PDZRN3: variants seen among roughly 807,000 people sequenced by gnomAD.
PDZRN3 encodes the protein E3 ubiquitin-protein ligase PDZRN3.
A neutral mutation model predicts 85.7 loss-of-function variants in PDZRN3; 38 were observed. The observed-to-expected ratio is 0.44, with a 90% CI of 0.34 to 0.58. PDZRN3 has a LOEUF of 0.58. PDZRN3 is among the 20% of genes least tolerant of loss of function. PDZRN3 has a pLI of 0.01. For missense variants in PDZRN3, 1,629 were observed against 1,506.4 expected (o/e 1.08, Z -1.35); for synonymous variants, 759 against 638.0 (o/e 1.19, Z -2.86).
intron 3 of PDZRN3, among the ~76,000 whole-genome samples, chr3:73,455,105 T>A (rs1318727830): frequency 6.6e-6 from 1 of 152,216 alleles, no homozygotes; most frequent in Non-Finnish European, 1.5e-5. Context: ...AGTAAGTTTT[T>A]ATTATCAGGA....
intron 1 of PDZRN3, among the ~76,000 whole-genome samples, chr3:73,612,193 A>G (rs7623717): frequency 0.73 from 110,604 of 152,134 alleles, 40,676 homozygotes; most frequent in African/African-American, 0.84. Flanking sequence ...TCCGAAGCAG[A>G]CATTGTATCA....
chr3:73,608,765 T>G (rs7630629), intron 1 of PDZRN3, 81 bp from the exon 2 acceptor site: 4 of 819,096 alleles, frequency 4.9e-6, no homozygotes, highest in Non-Finnish European at 8.2e-6. Flanking sequence ...CTAAGTGTAC[T>G]CAAGGACTAC....
intron 3 of PDZRN3, among the ~76,000 whole-genome samples, chr3:73,435,959 C>A (rs1177700945): frequency 1.3e-5 from 2 of 152,200 alleles, no homozygotes; most frequent in Non-Finnish European, 2.9e-5. Flanking sequence ...ATTGCTCACC[C>A]ACTCTGGTGG....
At chr3:73,449,480 G>A (rs1268280774) in intron 3 of PDZRN3, among the ~76,000 whole-genome samples, 1 of 152,152 alleles carries the variant, frequency 6.6e-6, no homozygotes, top group African/African-American at 2.4e-5. Context: ...AATCCACAGT[G>A]CGAGCAAATC....
intron 3 of PDZRN3, among the ~76,000 whole-genome samples, chr3:73,471,858 G>A (rs1703347188): frequency 6.6e-6 from 1 of 152,198 alleles, no homozygotes. Flanking sequence ...TTTACCATGT[G>A]ACAGCTATAT....
At chr3:73,548,150 C>T (rs1701470801) in intron 3 of PDZRN3, among the ~76,000 whole-genome samples, 1 of 152,070 alleles carries the variant, frequency 6.6e-6, no homozygotes, top group Admixed American at 6.6e-5. Context: ...GCGCCCACAC[C>T]CCTTCCTCTA....
chr3:73,597,301 T>C (rs183571667), intron 3 of PDZRN3, among the ~76,000 whole-genome samples: 2 of 152,222 alleles, frequency 1.3e-5, no homozygotes, highest in East Asian at 3.9e-4. Context: ...TTGTTAGCAA[T>C]GACAGTCCAA....
chr3:73,624,786 G>C lies in PDZRN3; in HGVS notation c.40C>G (p.Pro14Ala). 1 of 1,409,048 alleles carries C rather than the reference G, an allele frequency of 7.1e-7. No homozygotes were observed. Among genetic ancestry groups the C allele is most frequent in the Non-Finnish European group, 9.2e-7 (1 of 1,084,368 alleles). 87.3% of individuals were successfully genotyped at this position (1,409,048 alleles called of 1,614,324 possible). A position where few individuals can be genotyped will look rare whatever the true frequency, so the allele number is the denominator to read the frequency against. ...TGGCACAGCGCGCACTTCAGGTCCGGGTCCACGTCGCCGTCGAAGCGGTCC... is the reference window on the plus strand; with the variant it reads ...TGGCACAGCGCGCACTTCAGGTCCGCGTCCACGTCGCCGTCGAAGCGGTCC... ...ELDRFDGDVD[P>A]DLKCALCHKV... Residue 14 changes from proline to alanine, a missense_variant, in exon 1 of 10, where the codon CCG becomes GCG. Coordinates refer to ENST00000263666, the MANE Select transcript of PDZRN3 (RefSeq NM_015009.3).
chr3:73,543,157 T>C (rs1010878692), intron 3 of PDZRN3, among the ~76,000 whole-genome samples: 1 of 152,230 alleles, frequency 6.6e-6, no homozygotes, highest in African/African-American at 2.4e-5. Flanking sequence ...AGGAGTGGCA[T>C]GCCAAGACAA....
At chr3:73,612,832 AC>A (rs1439427772) in intron 1 of PDZRN3, among the ~76,000 whole-genome samples, 6 of 152,166 alleles carry the variant, frequency 3.9e-5, no homozygotes, top group Non-Finnish European at 7.3e-5. Flanking sequence ...TTCTCATGTC[AC>A]CAGGTTACTA....
At position 73,610,351 on chromosome 3, in the gene PDZRN3, A is replaced by T. The variant is rs539535773; in HGVS notation, c.724-1667T>A. Among the ~76,000 whole-genome samples the T allele has an allele frequency of 1.1e-4, 17 of 152,302 alleles. 1 individual carries two copies. In the South Asian group the frequency reaches 3.5e-3, roughly 32 times the overall value. On this transcript the variant is annotated intron_variant, in intron 1 of 9. Coordinates refer to ENST00000263666, the MANE Select transcript of PDZRN3 (RefSeq NM_015009.3). The stretch of plus-strand genomic sequence containing the variant: ...CTTTAATGACAGGCTATTGGTTTTT[A>T]AAAAATGTTCTGACAAACAGCACCA...
intron 3 of PDZRN3, among the ~76,000 whole-genome samples, chr3:73,430,263 C>G (rs909447005): frequency 2.0e-5 from 3 of 152,132 alleles, no homozygotes; most frequent in African/African-American, 7.2e-5. Context: ...AGTAAGTGCA[C>G]AATAAATAAT....
At chr3:73,434,865 A>G (rs1003550692) in intron 3 of PDZRN3, among the ~76,000 whole-genome samples, 1 of 152,234 alleles carries the variant, frequency 6.6e-6, no homozygotes, top group African/African-American at 2.4e-5. Flanking sequence ...CTCCTCCTTC[A>G]GCCTCTGTCC....
chr3:73,563,017 T>TATATATATATA (rs1701866050), intron 3 of PDZRN3, among the ~76,000 whole-genome samples: 1 of 23,832 alleles, frequency 4.2e-5, no homozygotes, highest in African/African-American at 1.3e-4. Flanking sequence ...ATATATATTT[T>TATATATATATA]TTTTTTTTTT....
intron 3 of PDZRN3, among the ~76,000 whole-genome samples, chr3:73,485,428 C>T (rs1047462350): frequency 2.6e-5 from 4 of 151,924 alleles, no homozygotes; most frequent in Admixed American, 2.0e-4. Flanking sequence ...CAGATTCAAA[C>T]AAATTTTGAA....
At chr3:73,422,994 G>A (rs116215777) in intron 3 of PDZRN3, among the ~76,000 whole-genome samples, 78 of 152,282 alleles carry the variant, frequency 5.1e-4, no homozygotes, top group African/African-American at 1.9e-3. Context: ...AATGGAGGCA[G>A]TTAGCTGCAA....
intron 3 of PDZRN3, among the ~76,000 whole-genome samples, chr3:73,446,386 A>AT: frequency 6.6e-6 from 1 of 152,234 alleles, no homozygotes. Flanking sequence ...CTATACACCA[A>AT]TACTATTCCA....
At chr3:73,504,400 G>A (rs144660585) in intron 3 of PDZRN3, among the ~76,000 whole-genome samples, 389 of 152,258 alleles carry the variant, frequency 2.6e-3, no homozygotes, top group Non-Finnish European at 4.3e-3. Flanking sequence ...GTGCAAATAC[G>A]GGGCTCAAGT....
At chr3:73,412,394 A>G (rs1400354626) in intron 3 of PDZRN3, among the ~76,000 whole-genome samples, 1 of 152,232 alleles carries the variant, frequency 6.6e-6, no homozygotes, top group Non-Finnish European at 1.5e-5. Flanking sequence ...TCATCAGAGG[A>G]AAGGACAGGA....
Sources: gnomAD v4.1 joint callset for allele counts (sites outside exome capture counted in the v4.1 genomes callset) on GRCh38, gnomAD v4.1.1 for gene constraint, MANE v1.5 for transcripts, NCBI Gene and HGNC (gene_info 2026-07-23, HGNC 2026-07-21) for gene names.